MAOB: variants seen among roughly 807,000 people sequenced by gnomAD.
The protein encoded by MAOB is amine oxidase [flavin-containing] B.
A neutral mutation model predicts 41.9 loss-of-function variants in MAOB; 15 were observed. The ratio of observed to expected loss-of-function variants is 0.36; its 90% confidence interval spans 0.24 to 0.55. MAOB has a LOEUF of 0.55. Among genes scored for constraint, MAOB ranks in the 20% least tolerant of loss-of-function variants. The pLI, the probability that MAOB is intolerant of heterozygous loss-of-function variation, is 0.86. For missense variants in MAOB, 345 were observed against 398.7 expected (o/e 0.87, Z 1.15); for synonymous variants, 167 against 144.2 (o/e 1.16, Z -1.13).
chrX:43,792,748 G>A (rs1041345482), intron 8 of MAOB, among the ~76,000 whole-genome samples: 1 of 111,933 alleles, frequency 8.9e-6, no homozygotes, highest in Non-Finnish European at 1.9e-5. Context: ...AATTAGTTAA[G>A]CCACTGTGAA....
intron 8 of MAOB, among the ~76,000 whole-genome samples, chrX:43,782,347 A>T (rs2034344129): frequency 8.9e-6 from 1 of 112,061 alleles, no homozygotes; most frequent in African/African-American, 3.2e-5. Context: ...AACAGAGAGT[A>T]CTATACTATA....
chrX:43,828,594 G>A (rs1301227692), intron 3 of MAOB, among the ~76,000 whole-genome samples: 1 of 111,241 alleles, frequency 9.0e-6, no homozygotes, highest in Non-Finnish European at 1.9e-5. Context: ...AGGGGAGAAG[G>A]GTTGAGGGCC....
chrX:43,861,557 T>C (rs5952340), intron 1 of MAOB, among the ~76,000 whole-genome samples: 2,270 of 111,825 alleles, frequency 0.02, 62 homozygotes, highest in African/African-American at 0.07. Flanking sequence ...AGCATAATGT[T>C]AGCTCCATAG....
At chrX:43,829,300 G>C (rs994373171) in intron 3 of MAOB, among the ~76,000 whole-genome samples, 61 of 112,232 alleles carry the variant, frequency 5.4e-4, no homozygotes, top group African/African-American at 1.9e-3. Context: ...TTCTCTGACT[G>C]TATGTTAAGA....
chrX:43,819,242 C>G (rs904651897), intron 3 of MAOB, among the ~76,000 whole-genome samples: 4 of 111,814 alleles, frequency 3.6e-5, no homozygotes, highest in African/African-American at 1.3e-4. Context: ...ACTCGGAGTG[C>G]TATTGGCAGG....
intron 3 of MAOB, among the ~76,000 whole-genome samples, chrX:43,814,495 C>G (rs1405029371): frequency 8.9e-6 from 1 of 112,564 alleles, no homozygotes; most frequent in African/African-American, 3.2e-5. Flanking sequence ...CATCAGTGCT[C>G]TGCACATAAA....
At chrX:43,815,081 T>C (rs1046185304) in intron 3 of MAOB, among the ~76,000 whole-genome samples, 5 of 111,359 alleles carry the variant, frequency 4.5e-5, no homozygotes, top group African/African-American at 1.3e-4. Context: ...ACCCTAATTC[T>C]TTGCTGCTTG....
intron 3 of MAOB, among the ~76,000 whole-genome samples, chrX:43,832,025 T>G (rs1290507447): frequency 8.9e-6 from 1 of 111,913 alleles, no homozygotes; most frequent in African/African-American, 3.2e-5. Flanking sequence ...TATTTTATGT[T>G]CAACACCAGT....
At chrX:43,815,388 A>G (rs374811386) in intron 3 of MAOB, among the ~76,000 whole-genome samples, 3 of 112,213 alleles carry the variant, frequency 2.7e-5, no homozygotes, top group South Asian at 7.5e-4. Context: ...GCAAAACTCC[A>G]GAGTGTTCTG....
At chrX:43,782,141 A>G (rs1006113178) in intron 8 of MAOB, among the ~76,000 whole-genome samples, 3 of 111,479 alleles carry the variant, frequency 2.7e-5, no homozygotes, top group Admixed American at 1.9e-4. Flanking sequence ...CTAAGATCAG[A>G]GCAGAACTGA....
intron 1 of MAOB, among the ~76,000 whole-genome samples, chrX:43,879,242 T>C (rs2035458987): frequency 2.7e-5 from 3 of 111,974 alleles, no homozygotes; most frequent in Non-Finnish European, 5.6e-5. Context: ...CTTGGAACTT[T>C]TAAAACATCA....
chrX:43,767,969 A>G (rs758667750), intron 14 of MAOB, among the ~76,000 whole-genome samples: 30 of 112,353 alleles, frequency 2.7e-4, no homozygotes, highest in Non-Finnish European at 4.7e-4. Context: ...GCTGATACAG[A>G]ACACGTGTGC....
intron 5 of MAOB, among the ~76,000 whole-genome samples, chrX:43,798,202 C>T (rs916416867): frequency 6.3e-5 from 7 of 111,935 alleles, no homozygotes; most frequent in African/African-American, 1.9e-4. Context: ...ACTAGAATAT[C>T]AACCTATGAG....
chrX:43,771,366 C>T (rs1438911497), intron 12 of MAOB, among the ~76,000 whole-genome samples: 2 of 111,791 alleles, frequency 1.8e-5, no homozygotes, highest in Non-Finnish European at 3.8e-5. Flanking sequence ...GTTCTGAGCA[C>T]GTTTAAGGTA....
chrX:43,824,942 C>G (rs1425549407), intron 3 of MAOB, among the ~76,000 whole-genome samples: 1 of 112,983 alleles, frequency 8.9e-6, no homozygotes, highest in African/African-American at 3.2e-5. Flanking sequence ...TGTTACTTCT[C>G]TACTTCAAAC....
chrX:43,834,497 G>A (rs191355070), intron 3 of MAOB, among the ~76,000 whole-genome samples: 2 of 112,088 alleles, frequency 1.8e-5, no homozygotes, highest in African/African-American at 6.5e-5. Context: ...TAATCCTGTT[G>A]CTGTTTCTTA....
chrX:43,786,637 G>GC (rs749708947), intron 8 of MAOB, among the ~76,000 whole-genome samples: 35 of 111,935 alleles, frequency 3.1e-4, no homozygotes, highest in Non-Finnish European at 6.4e-4. Context: ...ATATAAGAAG[G>GC]CAAGAGAGAG....
chrX:43,866,343 T>G (rs1383061784), intron 1 of MAOB, among the ~76,000 whole-genome samples: 1 of 112,423 alleles, frequency 8.9e-6, no homozygotes, highest in East Asian at 2.8e-4. Context: ...ATATGTTTTG[T>G]GACTAAAAAA....
chrX:43,767,440 A>G lies in MAOB; in HGVS notation c.*26T>C. The G allele has an allele frequency of 8.4e-7, 1 of 1,189,023 alleles. No individual in the cohort carries two copies. The highest frequency in any genetic ancestry group is 1.8e-5 in the South Asian group (1 of 54,152). On this transcript the variant is annotated 3_prime_UTR_variant, in exon 15 of 15. Transcript: ENST00000378069. ...CATATCCCAAATACAGTAAGAAGAG[A>G]GTGTGATTACAGACACCCTCTCTCT... is the stretch of plus-strand genomic sequence containing the variant.
Sources: gnomAD v4.1 joint callset for allele counts (sites outside exome capture counted in the v4.1 genomes callset) on GRCh38, gnomAD v4.1.1 for gene constraint, MANE v1.5 for transcripts, NCBI Gene and HGNC (gene_info 2026-07-23, HGNC 2026-07-21) for gene names.